The following CHODL variants were observed in gnomAD, a reference collection of about 807,000 sequenced individuals.
CHODL encodes the protein transmembrane protein MT75.
CHODL carries 29 observed loss-of-function variants against 34.5 expected under a neutral mutation model. The ratio of observed to expected loss-of-function variants is 0.84; its 90% CI spans 0.63 to 1.15. The LOEUF is 1.15. CHODL is among the 50% of genes most tolerant of loss of function. CHODL has a pLI of 0.00. For missense variants in CHODL, 332 were observed against 332.5 expected (o/e 1.00, Z 0.01); for synonymous variants, 125 against 116.1 (o/e 1.08, Z -0.49).
intron 2 of CHODL, among the ~76,000 whole-genome samples, chr21:18,136,511 A>G (rs1028465218): frequency 2.0e-5 from 3 of 152,112 alleles, no homozygotes; most frequent in African/African-American, 7.2e-5. Flanking sequence ...ACATCCTAAA[A>G]TGAGGCACCA....
chr21:18,049,347 A>G (rs2064484695), intron 2 of CHODL, among the ~76,000 whole-genome samples: 2 of 152,104 alleles, frequency 1.3e-5, no homozygotes, highest in South Asian at 4.1e-4. Context: ...ATCTGTCTTT[A>G]CCAGATTAAC....
rs371107091 is a variant in CHODL at position 17,960,191 on chromosome 21, T to G, written c.-145+42791T>G. 3.3e-5 allele frequency among the ~76,000 whole-genome samples: 5 copies of G among 152,262 alleles called. 1 individual carries two copies. Among genetic ancestry groups the G allele is most frequent in the Admixed American group, 6.5e-5 (1 of 15,292 alleles). On this transcript the variant is annotated intron_variant, in intron 1 of 6. Coordinates refer to the CHODL transcript ENST00000400127. ...GTCTTCCTAAAACCCTGCACACACT[T>G]GGTATCCAAGCTTATTGGATTGAGA...
chr21:18,193,750 A>G (rs1435619033), intron 2 of CHODL, among the ~76,000 whole-genome samples: 3 of 151,260 alleles, frequency 2.0e-5, no homozygotes, highest in Admixed American at 1.3e-4. Flanking sequence ...TAAATAAAAA[A>G]TAAACTTAAA....
intron 2 of CHODL, among the ~76,000 whole-genome samples, chr21:18,084,381 CT>C (rs985592205): frequency 1.3e-5 from 2 of 152,052 alleles, no homozygotes; most frequent in African/African-American, 4.8e-5. Context: ...GATCTTTCTA[CT>C]TTTTTGACGT....
chr21:18,063,397 C>G (rs567184562), intron 2 of CHODL, among the ~76,000 whole-genome samples: 1 of 152,200 alleles, frequency 6.6e-6, no homozygotes, highest in South Asian at 2.1e-4. Context: ...TCATTTATTA[C>G]TGAGGACATA....
At chr21:18,015,758 A>T (rs1484558736) in intron 1 of CHODL, among the ~76,000 whole-genome samples, 1 of 152,206 alleles carries the variant, frequency 6.6e-6, no homozygotes, top group African/African-American at 2.4e-5. Context: ...AACTGGAGCA[A>T]AGATCATGTT....
rs547387328 is a variant in CHODL, at chr21:17,993,235, A to T, written c.-144-34637A>T. ...TTTCTTTTTTAAAATTTAAATTTTA[A>T]GTTCAGGGATACATGTGCAGGTTTG... On this transcript the variant is annotated intron_variant, in intron 1 of 6. Transcript: ENST00000400127. Among the ~76,000 whole-genome samples, 39 of 152,256 alleles carry T rather than the reference A, an allele frequency of 2.6e-4. No homozygotes were observed. In the South Asian group the frequency reaches 8.1e-3, roughly 32 times the overall value.
At chr21:17,950,724 C>T (rs2063450364) in intron 1 of CHODL, among the ~76,000 whole-genome samples, 2 of 151,936 alleles carry the variant, frequency 1.3e-5, no homozygotes, top group Admixed American at 1.3e-4. Context: ...AACCAATCAG[C>T]TTTTGACAAA....
chr21:18,175,567 C>T (rs1193287527), intron 2 of CHODL, among the ~76,000 whole-genome samples: 3 of 150,612 alleles, frequency 2.0e-5, no homozygotes, highest in Admixed American at 6.6e-5. Flanking sequence ...CACTCCAGCC[C>T]GGGCGACAGT....
chr21:18,031,071 T>C (rs1263967166), intron 2 of CHODL, among the ~76,000 whole-genome samples: 3 of 152,134 alleles, frequency 2.0e-5, no homozygotes, highest in Non-Finnish European at 2.9e-5. Context: ...TAAATTAGAA[T>C]GCAGTCAAAA....
intron 2 of CHODL, among the ~76,000 whole-genome samples, chr21:18,044,494 A>G (rs2064417019): frequency 6.6e-6 from 1 of 151,858 alleles, no homozygotes; most frequent in African/African-American, 2.4e-5. Context: ...ACAACATTGA[A>G]TTTTCACTTT....
chr21:18,259,718 A>G (rs1043511930), intron 3 of CHODL, among the ~76,000 whole-genome samples: 7 of 152,244 alleles, frequency 4.6e-5, no homozygotes, highest in Non-Finnish European at 7.3e-5. Context: ...TGTTACTTGA[A>G]TCATCAATTC....
chr21:18,087,812 A>C (rs191133402), intron 2 of CHODL, among the ~76,000 whole-genome samples: 2 of 152,266 alleles, frequency 1.3e-5, no homozygotes, highest in Non-Finnish European at 2.9e-5. Context: ...CCATTCTCCT[A>C]CTACTACAAA....
At chr21:18,031,391 A>G (rs940967723) in intron 2 of CHODL, among the ~76,000 whole-genome samples, 1 of 152,118 alleles carries the variant, frequency 6.6e-6, no homozygotes, top group African/African-American at 2.4e-5. Context: ...ATATTTAATA[A>G]AAGAGATGTC....
At chr21:18,106,280 C>G (rs1323026020) in intron 2 of CHODL, among the ~76,000 whole-genome samples, 1 of 151,916 alleles carries the variant, frequency 6.6e-6, no homozygotes, top group Non-Finnish European at 1.5e-5. Flanking sequence ...CCCCAGAGCC[C>G]TTGAATAAAA....
At chr21:18,232,972 T>G (rs2073996796) in intron 2 of CHODL, among the ~76,000 whole-genome samples, 1 of 138,108 alleles carries the variant, frequency 7.2e-6, no homozygotes, top group Non-Finnish European at 1.5e-5. Context: ...TATATATATA[T>G]GTATATATAT....
rs373179882 is a variant in CHODL at position 18,131,433 on chromosome 21, A to G, written c.-45+103462A>G. ...AAATCTATTCTCATCACTTTGGTAT[A>G]CATTTCAATTTACGAACATTTTGTT... On this transcript the variant is annotated intron_variant, in intron 2 of 6. Coordinates refer to the CHODL transcript ENST00000400127. Among the ~76,000 whole-genome samples, 75 of 152,296 alleles carry G rather than the reference A, an allele frequency of 4.9e-4. 1 individual carries two copies. In the South Asian group the frequency reaches 0.014, roughly 28 times the overall value.
chr21:18,247,626 G>A (rs1488106994), intron 1 of CHODL, among the ~76,000 whole-genome samples: 3 of 152,002 alleles, frequency 2.0e-5, no homozygotes, highest in Non-Finnish European at 4.4e-5. Context: ...GTAGTAATAA[G>A]AAAGTATTTT....
intron 1 of CHODL, among the ~76,000 whole-genome samples, chr21:17,979,775 C>T (rs1178048384): frequency 6.6e-6 from 1 of 152,104 alleles, no homozygotes; most frequent in East Asian, 1.9e-4. Context: ...TGGAGAGGTA[C>T]TTGGGGTTTT....
Sources: gnomAD v4.1 joint callset for allele counts (sites outside exome capture counted in the v4.1 genomes callset) on GRCh38, gnomAD v4.1.1 for gene constraint, MANE v1.5 for transcripts, NCBI Gene and HGNC (gene_info 2026-07-23, HGNC 2026-07-21) for gene names.